Variants in SDK1 observed in about 807,000 individuals in gnomAD.
SDK1 encodes sidekick cell adhesion molecule 1.
SDK1 carries 157 observed loss-of-function variants against 245.5 expected under a neutral mutation model. The observed-to-expected ratio is 0.64, with a 90% confidence interval of 0.56 to 0.73. SDK1 has a LOEUF of 0.73. SDK1 is among the 30% of genes least tolerant of loss of function. The probability of loss-of-function intolerance (pLI) is 0.00; values close to 1 mark genes in which losing one functional copy is unlikely to be tolerated. For missense variants in SDK1, 3,583 were observed against 3,002.3 expected (o/e 1.19, Z -4.52); for synonymous variants, 1,647 against 1,278.5 (o/e 1.29, Z -6.15).
chr7:3,871,434 A>G (rs1310483976), intron 5 of SDK1, among the ~76,000 whole-genome samples: 2 of 151,792 alleles, frequency 1.3e-5, no homozygotes, highest in Non-Finnish European at 2.9e-5. Flanking sequence ...AATAGACTGT[A>G]GTACAGGGGA....
intron 3 of SDK1, among the ~76,000 whole-genome samples, chr7:3,639,846 A>T (rs1353275123): frequency 6.6e-6 from 1 of 151,732 alleles, no homozygotes; most frequent in East Asian, 1.9e-4. Context: ...TATATGTTAT[A>T]TATATAAATA....
intron 1 of SDK1, among the ~76,000 whole-genome samples, chr7:3,407,396 T>C (rs1472205778): frequency 2.6e-5 from 4 of 152,202 alleles, no homozygotes; most frequent in Non-Finnish European, 5.9e-5. Context: ...ATACTTCTGG[T>C]GACCATCCTG....
At chr7:3,329,829 T>C (rs987238766) in intron 1 of SDK1, among the ~76,000 whole-genome samples, 1 of 152,236 alleles carries the variant, frequency 6.6e-6, no homozygotes, top group African/African-American at 2.4e-5. Flanking sequence ...ACCAATGCAG[T>C]ATAACAACTA....
chr7:3,627,801 T>C (rs745652144), intron 2 of SDK1, among the ~76,000 whole-genome samples: 2 of 152,180 alleles, frequency 1.3e-5, no homozygotes, highest in Non-Finnish European at 2.9e-5. Flanking sequence ...ATGAGTGCCT[T>C]ATCTGAAGTG....
intron 22 of SDK1, among the ~76,000 whole-genome samples, chr7:4,089,727 T>C (rs1393928129): frequency 6.6e-6 from 1 of 152,226 alleles, no homozygotes; most frequent in African/African-American, 2.4e-5. Flanking sequence ...ATGTGGAATT[T>C]CCAATTCCCT....
chr7:4,255,914 CTTTTTTTTTT>C (rs34810935), intron 44 of SDK1, among the ~76,000 whole-genome samples: 7 of 104,102 alleles, frequency 6.7e-5, no homozygotes, highest in Non-Finnish European at 1.1e-4. Context: ...TTTCCAAATA[CTTTTTTTTTT>C]TTTTTTTTTT....
intron 5 of SDK1, among the ~76,000 whole-genome samples, chr7:3,914,896 C>T (rs899247321): frequency 5.9e-5 from 9 of 152,134 alleles, no homozygotes; most frequent in Admixed American, 2.0e-4. Flanking sequence ...TCGTCGAAAG[C>T]GAGTGTGTTT....
chr7:3,900,038 AC>A (rs1401190093), intron 5 of SDK1, among the ~76,000 whole-genome samples: 1 of 152,274 alleles, frequency 6.6e-6, no homozygotes, highest in East Asian at 1.9e-4. Context: ...CCAGTGTATG[AC>A]ACTAACATTT....
At chr7:4,212,306 T>C (rs1445275699) in intron 38 of SDK1, among the ~76,000 whole-genome samples, 1 of 152,232 alleles carries the variant, frequency 6.6e-6, no homozygotes, top group East Asian at 1.9e-4. Context: ...TTCATCATTA[T>C]TTTATGAAGT....
chr7:3,637,365 G>T (rs1192745624), intron 2 of SDK1, among the ~76,000 whole-genome samples: 1 of 152,172 alleles, frequency 6.6e-6, no homozygotes, highest in African/African-American at 2.4e-5. Context: ...CCAAATTGCT[G>T]GGATTACAGG....
chr7:3,671,011 C>T lies in SDK1; in HGVS notation c.713+28906C>T, dbSNP rs565543942. Among the ~76,000 whole-genome samples, 13 of 152,282 alleles carry T rather than the reference C, an allele frequency of 8.5e-5. No individual in the cohort carries two copies. In the East Asian group the frequency reaches 2.5e-3, roughly 29 times the overall value. ...ATAGTTACCACGATTACAGTTAAAA[C>T]AGTTCATTGCATAACTAGTTCCTTG... On this transcript the variant is annotated intron_variant, in intron 4 of 44. Transcript: ENST00000404826.
At chr7:3,683,738 T>A (rs908624507) in intron 4 of SDK1, among the ~76,000 whole-genome samples, 3 of 152,224 alleles carry the variant, frequency 2.0e-5, no homozygotes, top group Non-Finnish European at 4.4e-5. Flanking sequence ...TCTCTGAGTT[T>A]CCTTGTTGCC....
chr7:3,650,758 C>G (rs1008512162), intron 4 of SDK1, among the ~76,000 whole-genome samples: 1 of 151,900 alleles, frequency 6.6e-6, no homozygotes. Flanking sequence ...CTTTTCCTTT[C>G]TAAAGTTTTG....
chr7:3,428,090 G>T (rs1394779393), intron 1 of SDK1, among the ~76,000 whole-genome samples: 3 of 152,174 alleles, frequency 2.0e-5, no homozygotes, highest in Non-Finnish European at 4.4e-5. Flanking sequence ...TGTGAGACAT[G>T]GTGGCAGCAC....
intron 1 of SDK1, among the ~76,000 whole-genome samples, chr7:3,515,800 T>C (rs1468186009): frequency 2.0e-5 from 3 of 152,184 alleles, no homozygotes; most frequent in South Asian, 2.1e-4. Flanking sequence ...AGTGGTACAG[T>C]CTCAAAGACA....
chr7:3,764,964 T>C (rs1174478380), intron 4 of SDK1, among the ~76,000 whole-genome samples: 1 of 152,086 alleles, frequency 6.6e-6, no homozygotes, highest in African/African-American at 2.4e-5. Context: ...ATATGTAAGG[T>C]TTATTGTCAT....
chr7:3,900,606 C>A (rs1274015068), intron 5 of SDK1, among the ~76,000 whole-genome samples: 2 of 152,106 alleles, frequency 1.3e-5, no homozygotes, highest in Non-Finnish European at 2.9e-5. Flanking sequence ...CTCTTTTTCT[C>A]CCACCTTTAT....
rs1469681047 is a variant in SDK1 at position 4,205,688 on chromosome 7, G to A, written c.5099-191G>A. ...TAAAAGGGCTGAGAGCTCTTAGGGG[G>A]ACACAGAGCCACGGATCCCAGGACA... On this transcript the variant is annotated intron_variant, in intron 35 of 44. Transcript: ENST00000404826. Among the ~76,000 whole-genome samples the A allele has an allele frequency of 3.9e-5, 6 of 152,344 alleles. No homozygotes were observed. In the East Asian group the frequency reaches 9.6e-4, roughly 24 times the overall value.
intron 4 of SDK1, among the ~76,000 whole-genome samples, chr7:3,723,947 G>T (rs35390318): frequency 0.25 from 22,329 of 90,720 alleles, 3,085 homozygotes; most frequent in East Asian, 0.33. Flanking sequence ...TATATATAGA[G>T]AGAGAGAGAG....
Sources: allele counts gnomAD v4.1 joint callset (sites outside exome capture counted in the v4.1 genomes callset), GRCh38; gene constraint gnomAD v4.1.1; transcripts MANE v1.5; gene names NCBI Gene and HGNC (gene_info 2026-07-23, HGNC 2026-07-21).